The following CRBN variants were observed in gnomAD, a reference collection of about 807,000 sequenced individuals.
CRBN encodes the protein cereblon.
In CRBN, 53 loss-of-function variants were observed where a neutral mutation model predicts 62.2. The observed-to-expected ratio is 0.85, with a 90% CI of 0.68 to 1.07. CRBN has a LOEUF of 1.07. Ranked by LOEUF, CRBN falls within the 50% of genes least tolerant of loss-of-function variation. The pLI is 0.00. For missense variants in CRBN, 616 were observed against 531.1 expected (o/e 1.16, Z -1.57); for synonymous variants, 208 against 176.1 (o/e 1.18, Z -1.43).
chr3:3,176,721 G>A (rs1707837174), intron 1 of CRBN, among the ~76,000 whole-genome samples: 2 of 152,208 alleles, frequency 1.3e-5, no homozygotes, highest in African/African-American at 4.8e-5. Context: ...GGGCGACAGA[G>A]CAAGACTCCA....
intron 5 of CRBN, among the ~76,000 whole-genome samples, chr3:3,163,328 A>G (rs925308548): frequency 1.3e-5 from 2 of 152,230 alleles, no homozygotes; most frequent in Non-Finnish European, 2.9e-5. Context: ...GCAACTCTGA[A>G]TATGAAAATA....
chr3:3,153,391 G>T, intron 9 of CRBN, 33 bp downstream of exon 9: 1 of 1,144,058 alleles, frequency 8.7e-7, no homozygotes, highest in Non-Finnish European at 1.3e-6. Context: ...TTCTGATAAG[G>T]CAAGTATATT....
chr3:3,176,134 T>TA (rs1332909731), intron 1 of CRBN, among the ~76,000 whole-genome samples: 2 of 152,192 alleles, frequency 1.3e-5, no homozygotes, highest in Non-Finnish European at 2.9e-5. Flanking sequence ...AGAGGAAATG[T>TA]AAGTTATTTA....
intron 5 of CRBN, among the ~76,000 whole-genome samples, chr3:3,159,080 G>T (rs538324990): frequency 6.6e-6 from 1 of 152,228 alleles, no homozygotes; most frequent in Non-Finnish European, 1.5e-5. Flanking sequence ...TGCCATGATG[G>T]TAAGTTTCCT....
intron 4 of CRBN, 115 bp from the exon 5 acceptor site, chr3:3,167,908 A>T: frequency 1.1e-6 from 1 of 945,296 alleles, no homozygotes; most frequent in Non-Finnish European, 1.6e-6. Flanking sequence ...TTTATCTTTT[A>T]AACATATTCA....
At chr3:3,166,231 T>C (rs1707326059) in intron 5 of CRBN, among the ~76,000 whole-genome samples, 1 of 152,136 alleles carries the variant, frequency 6.6e-6, no homozygotes, top group Admixed American at 6.6e-5. Flanking sequence ...GTGCTGTTCT[T>C]GTGATAGTGA....
chr3:3,179,600 G>T, intron 1 of CRBN, 21 bp downstream of exon 1: 1 of 1,612,382 alleles, frequency 6.2e-7, no homozygotes, highest in African/African-American at 1.3e-5. Context: ...CCGACTACAG[G>T]GAACTACTCC....
chr3:3,150,130 A>G lies in CRBN; in HGVS notation c.*735T>C, dbSNP rs1351527041. On this transcript the variant is annotated 3_prime_UTR_variant, in exon 11 of 11. Coordinates refer to ENST00000231948, the MANE Select transcript of CRBN (RefSeq NM_016302.4). ...ACATGTTTTGGCATCTTTTCCCTAT[A>G]GTAGTAGTTTTGGTTCAAATTAATT... 1 of 152,176 alleles carries G rather than the reference A, an allele frequency of 6.6e-6. No individual in the cohort carries two copies. Among genetic ancestry groups the G allele is most frequent in the Non-Finnish European group, 1.5e-5 (1 of 68,016 alleles). The allele number at this position is 152,176 out of a possible 1,614,324, so 9.4% of individuals were successfully genotyped here.
Position 3,150,992 on chromosome 3 carries a change from TTCC to T in CRBN, c.1199_1201del (p.Trp400_Lys401delinsTer). ...CATGTCTTTTTTGGTGGCCGTAAAC[TTCC>T]ATCCAATATGGCTTGCACAGATCTT... On this transcript the variant is annotated stop_gained and inframe_deletion, in exon 11 of 11. Transcript: ENST00000231948. LOFTEE classifies it high-confidence loss of function. The T allele has an allele frequency of 6.2e-7, 1 of 1,614,028 alleles. No homozygotes were observed. The highest frequency in any genetic ancestry group is 8.5e-7 in the Non-Finnish European group (1 of 1,179,976).
Position 3,157,560 on chromosome 3 carries a change from ATACT to A in CRBN, c.688-1283_688-1280del, listed in dbSNP as rs530435553. Among the ~76,000 whole-genome samples the A allele has an allele frequency of 9.3e-4, 141 of 152,268 alleles. 1 individual carries two copies. In the South Asian group the frequency reaches 0.019, roughly 21 times the overall value. On this transcript the variant is annotated intron_variant, in intron 5 of 10. Transcript: ENST00000231948. ...CTAGGTATGTTTCATACGCTGAATG[ATACT>A]TACCCTAGGTATGTTTCATACCTAG...
chr3:3,161,131 A>G (rs1012573917), intron 5 of CRBN, among the ~76,000 whole-genome samples: 3 of 152,320 alleles, frequency 2.0e-5, no homozygotes, highest in Non-Finnish European at 4.4e-5. Flanking sequence ...AACAACAAAA[A>G]AACAGTTCTG....
In CRBN at chr3:3,152,605, C is replaced by T; in HGVS notation, c.1017-18G>A. ...AGGATAAACTAAAACAAAGAATCAA[C>T]ATGGAGAACACGTCAAAACGAGAAG... On this transcript the variant is annotated intron_variant, in intron 9 of 10. Transcript: ENST00000231948. 1 of 1,613,900 alleles carries T rather than the reference C, an allele frequency of 6.2e-7. No homozygotes were observed. Among genetic ancestry groups the T allele is most frequent in the Non-Finnish European group, 8.5e-7 (1 of 1,179,912 alleles).
chr3:3,165,110 G>C (rs983047252), intron 5 of CRBN, among the ~76,000 whole-genome samples: 5 of 152,184 alleles, frequency 3.3e-5, no homozygotes, highest in African/African-American at 1.2e-4. Flanking sequence ...ACTAAAGTTA[G>C]AAGTGGAACC....
chr3:3,174,133 A>C lies in CRBN; in HGVS notation c.303T>G (p.Leu101=), dbSNP rs557975381. Residue 101 remains leucine (L), a synonymous_variant, in exon 3 of 11, where the codon CTT becomes CTG. Coordinates refer to ENST00000231948, the MANE Select transcript of CRBN (RefSeq NM_016302.4). ...LIPGQTLPLQ[L]FHPQEVSMVR... ...CCATACTGACTTCTTGAGGGTGAAA[A>C]AGCTGAAGAGGTAATGTCTGTCCGG... 2.5e-5 allele frequency: 41 copies of C among 1,614,140 alleles called. No homozygotes were observed. The South Asian group carries it at 4.5e-4, about 18-fold the overall frequency.
rs1238628912 is a variant in CRBN at position 3,175,253 on chromosome 3, T to A, written c.84A>T (p.Glu28Asp). 1.2e-6 allele frequency: 2 copies of A among 1,610,144 alleles called. No individual in the cohort carries two copies. The highest frequency in any genetic ancestry group is 2.2e-5 in the South Asian group (2 of 90,976). Reference sequence around the variant, plus strand: ...CCTGGTCTTCAACTTCCATTTCATCTTCTTCCTCACTCTCTGCTATAAAAG... The same window carrying A: ...CCTGGTCTTCAACTTCCATTTCATCATCTTCCTCACTCTCTGCTATAAAAG... ...LPLLPAESEE[E>D]DEMEVEDQDS... Residue 28 changes from glutamate to aspartate, a missense_variant, in exon 2 of 11, where the codon GAA becomes GAT. Coordinates refer to ENST00000231948, the MANE Select transcript of CRBN (RefSeq NM_016302.4).
chr3:3,152,331 A>T, intron 10 of CRBN, 125 bp downstream of exon 10: 1 of 1,084,152 alleles, frequency 9.2e-7, no homozygotes, highest in East Asian at 2.4e-5. Flanking sequence ...TTTTGTAGCA[A>T]ATTACTCATT....
chr3:3,168,177 C>G (rs996455805), intron 4 of CRBN, among the ~76,000 whole-genome samples: 2 of 151,842 alleles, frequency 1.3e-5, no homozygotes, highest in African/African-American at 4.9e-5. Context: ...TTCTATCCCC[C>G]CACTTCTTAT....
At chr3:3,153,311 G>A (rs1706716172) in intron 9 of CRBN, 113 bp downstream of exon 9, 2 of 692,012 alleles carry the variant, frequency 2.9e-6, no homozygotes, top group East Asian at 5.3e-5. Flanking sequence ...TATTTCATTT[G>A]CTAAATGTTT....
intron 5 of CRBN, among the ~76,000 whole-genome samples, chr3:3,157,670 G>T (rs892572874): frequency 1.3e-5 from 2 of 152,106 alleles, no homozygotes; most frequent in African/African-American, 4.8e-5. Context: ...TCGGGACTGA[G>T]CTGACAGCTG....
Sources: allele counts gnomAD v4.1 joint callset (sites outside exome capture counted in the v4.1 genomes callset), GRCh38; gene constraint gnomAD v4.1.1; transcripts MANE v1.5; gene names NCBI Gene and HGNC (gene_info 2026-07-23, HGNC 2026-07-21).